The following PAPPA variants were observed in gnomAD, a reference collection of about 807,000 sequenced individuals.
PAPPA encodes pappalysin 1.
PAPPA carries 60 observed loss-of-function variants against 164.0 expected under a neutral mutation model. The observed-to-expected ratio is 0.37, with a 90% CI of 0.30 to 0.45. The LOEUF (loss-of-function observed/expected upper bound fraction) is 0.45, where lower values mean the gene tolerates loss of function less well. Among genes scored for constraint, PAPPA ranks in the 20% least tolerant of loss-of-function variants. The probability of loss-of-function intolerance (pLI) is 1.00; values close to 1 mark genes in which losing one functional copy is unlikely to be tolerated. For synonymous variants in PAPPA, 875 were observed against 814.1 expected, an observed-to-expected ratio of 1.07 and a Z score of -1.27; for missense variants, 1,782 against 2,087.3, an observed-to-expected ratio of 0.85 and a Z score of 2.85.
intron 13 of PAPPA, among the ~76,000 whole-genome samples, chr9:116,341,537 G>A (rs1170970663): frequency 6.6e-6 from 1 of 152,066 alleles, no homozygotes; most frequent in African/African-American, 2.4e-5. Context: ...AAAGTGCCTT[G>A]CCCCTTTCCA....
intron 4 of PAPPA, among the ~76,000 whole-genome samples, chr9:116,217,302 G>A (rs1844386075): frequency 6.6e-6 from 1 of 152,058 alleles, no homozygotes; most frequent in African/African-American, 2.4e-5. Context: ...TTCATGGTTT[G>A]GAGTTTATTT....
intron 1 of PAPPA, among the ~76,000 whole-genome samples, chr9:116,169,310 CTTTTT>C (rs563871496): frequency 4.0e-4 from 21 of 52,148 alleles, no homozygotes; most frequent in East Asian, 2.7e-3. Context: ...CAAACCCATT[CTTTTT>C]TTTTTTTTTT....
intron 1 of PAPPA, among the ~76,000 whole-genome samples, chr9:116,165,627 T>G (rs559433630): frequency 3.3e-5 from 5 of 152,326 alleles, no homozygotes; most frequent in African/African-American, 9.6e-5. Context: ...CTGTCCAGAA[T>G]GCAAATCTGA....
chr9:116,312,766 A>G (rs955361820), intron 10 of PAPPA, among the ~76,000 whole-genome samples: 7 of 152,146 alleles, frequency 4.6e-5, no homozygotes, highest in African/African-American at 1.7e-4. Flanking sequence ...TGAGACCAGA[A>G]AGGGCCTTCT....
chr9:116,155,509 T>C (rs1400787908), intron 1 of PAPPA, among the ~76,000 whole-genome samples: 2 of 152,214 alleles, frequency 1.3e-5, no homozygotes, highest in Non-Finnish European at 2.9e-5. Context: ...AGGAAAGTTT[T>C]GCCTTTTCTG....
intron 9 of PAPPA, among the ~76,000 whole-genome samples, chr9:116,279,019 C>T (rs1372612261): frequency 6.6e-6 from 1 of 152,130 alleles, no homozygotes; most frequent in African/African-American, 2.4e-5. Context: ...GGTCCTGAAC[C>T]AAATCCTGAT....
At chr9:116,225,355 A>G (rs1011448141) in intron 5 of PAPPA, among the ~76,000 whole-genome samples, 8 of 152,232 alleles carry the variant, frequency 5.3e-5, no homozygotes, top group Non-Finnish European at 1.2e-4. Context: ...TGCTACTCCA[A>G]GAGTAACTCA....
At position 116,187,159 on chromosome 9, in the gene PAPPA, TATGAC is replaced by T. The variant is rs1179070564; in HGVS notation, c.423_427del (p.Tyr141Ter). The T allele has an allele frequency of 6.2e-7, 1 of 1,610,798 alleles. No individual in the cohort carries two copies. Among genetic ancestry groups the T allele is most frequent in the Admixed American group, 1.7e-5 (1 of 59,992 alleles). ...TCTCTTTTGGGGCCACATAGGGCTG[TATGAC>T]AAATGTTCTTATATCTCACGTGACC... is the stretch of plus-strand genomic sequence containing the variant. On this transcript the variant is annotated frameshift_variant, in exon 2 of 22. Coordinates refer to ENST00000328252, the MANE Select transcript of PAPPA (RefSeq NM_002581.5). LOFTEE classifies it high-confidence loss of function. This position sits in a 1 kb window ranked among gnomAD's most constrained non-coding sequence, Gnocchi z 4.2.
rs1564237975 is a variant in PAPPA at position 116,352,831 on chromosome 9, G to A, written c.4090G>A (p.Glu1364Lys). 4 of 1,613,982 alleles carry A rather than the reference G, an allele frequency of 2.5e-6. No individual in the cohort carries two copies. Among genetic ancestry groups the A allele is most frequent in the Non-Finnish European group, 3.4e-6 (4 of 1,179,942 alleles). Residue 1364 changes from glutamate (E) to lysine (K), a missense_variant, in exon 16 of 22, where the codon GAG becomes AAG. Glu to Lys is a moderately conservative substitution (Grantham distance 56). This residue lies in a region of PAPPA where 1,324 missense variants were observed against 1,656.9 expected (regional missense o/e 0.80). Coordinates refer to ENST00000328252, the MANE Select transcript of PAPPA (RefSeq NM_002581.5). ...AGACCTCCAGACCGCCCGGTGCCGA[G>A]AGAATAAGCACAAGGTGGGCTCCTT... ...NADLQTARCR[E>K]NKHKVGSFCK...
At chr9:116,171,895 A>G (rs142523631) in intron 1 of PAPPA, among the ~76,000 whole-genome samples, 1 of 152,282 alleles carries the variant, frequency 6.6e-6, no homozygotes, top group East Asian at 1.9e-4. Context: ...GCAGAAGCTG[A>G]TTGAAGAAGG....
Position 116,303,656 on chromosome 9 carries a change from C to T in PAPPA, c.3147+706C>T, listed in dbSNP as rs546582311. 2.7e-4 allele frequency among the ~76,000 whole-genome samples: 41 copies of T among 152,296 alleles called. 1 individual carries two copies. The highest frequency in any genetic ancestry group is 1.0e-3 in the South Asian group (5 of 4,820). ...CCGAGACTCAAATTTCCCAGAGACA[C>T]GACTCAGTGCTTCTGGCTGCCTGGC... On this transcript the variant is annotated intron_variant, in intron 10 of 21. Coordinates refer to ENST00000328252, the MANE Select transcript of PAPPA (RefSeq NM_002581.5).
chr9:116,312,184 T>C lies in PAPPA; in HGVS notation c.3147+9234T>C, dbSNP rs182429044. On this transcript the variant is annotated intron_variant, in intron 10 of 21. Coordinates refer to ENST00000328252, the MANE Select transcript of PAPPA (RefSeq NM_002581.5). ...TTACCTTCATTCTCCACATCCTCTT[T>C]AGCTTCAGGACCAGAAACCTTTCTT... Among the ~76,000 whole-genome samples, 22 of 152,300 alleles carry C rather than the reference T, an allele frequency of 1.4e-4. No individual in the cohort carries two copies. The East Asian group carries it at 3.9e-3, about 27-fold the overall frequency.
chr9:116,320,467 A>G (rs760780142), intron 10 of PAPPA, among the ~76,000 whole-genome samples: 37 of 152,222 alleles, frequency 2.4e-4, no homozygotes, highest in Non-Finnish European at 4.4e-4. Flanking sequence ...GGGAAGAAGA[A>G]GCCATCTCTC....
chr9:116,375,112 A>G (rs1288795914), intron 19 of PAPPA, among the ~76,000 whole-genome samples: 4 of 152,234 alleles, frequency 2.6e-5, no homozygotes. Flanking sequence ...CAACAAGTCT[A>G]TGATGTTTTC....
chr9:116,172,794 A>G (rs1843788818), intron 1 of PAPPA, among the ~76,000 whole-genome samples: 1 of 152,150 alleles, frequency 6.6e-6, no homozygotes, highest in Admixed American at 6.6e-5. Context: ...TTTTTGTTTA[A>G]AAAATGGTCA....
chr9:116,394,736 CAAG>C (rs1417464466), intron 21 of PAPPA, among the ~76,000 whole-genome samples: 1 of 152,154 alleles, frequency 6.6e-6, no homozygotes, highest in Admixed American at 6.5e-5. Flanking sequence ...TAGCTGTGAG[CAAG>C]AAGAGAGGTG....
chr9:116,336,244 A>T (rs1367633216), intron 13 of PAPPA, among the ~76,000 whole-genome samples: 1 of 152,062 alleles, frequency 6.6e-6, no homozygotes, highest in Non-Finnish European at 1.5e-5. Context: ...GGCAAGAAAA[A>T]AAAAAGAGAA....
chr9:116,237,002 T>A (rs1322641239), intron 7 of PAPPA, among the ~76,000 whole-genome samples: 2 of 152,182 alleles, frequency 1.3e-5, no homozygotes, highest in Non-Finnish European at 2.9e-5. Flanking sequence ...GTGTCAATGG[T>A]TTCTATAGGC....
chr9:116,351,205 T>A (rs1156477364), intron 15 of PAPPA, among the ~76,000 whole-genome samples: 1 of 152,224 alleles, frequency 6.6e-6, no homozygotes, highest in African/African-American at 2.4e-5. Flanking sequence ...TCTTGTTTTG[T>A]TTTATTTTGT....
Sources: allele counts gnomAD v4.1 joint callset (sites outside exome capture counted in the v4.1 genomes callset), GRCh38; gene constraint gnomAD v4.1.1; regional missense constraint gnomAD v4.1.1; non-coding constraint Gnocchi (gnomAD v3.1); transcripts MANE v1.5; gene names NCBI Gene and HGNC (gene_info 2026-07-23, HGNC 2026-07-21).